The following GTF3C6 variants were observed in gnomAD, a reference collection of about 807,000 sequenced individuals.
GTF3C6 encodes the protein general transcription factor IIIC subunit 6, also known as general transcription factor 3C polypeptide 6.
In GTF3C6, 11 loss-of-function variants were observed where a neutral mutation model predicts 19.2. The ratio of observed to expected loss-of-function variants is 0.57; its 90% CI spans 0.36 to 0.95. GTF3C6 has a LOEUF of 0.95. GTF3C6 is among the 40% of genes least tolerant of loss of function. The pLI, the probability that GTF3C6 is intolerant of heterozygous loss-of-function variation, is 0.01. For synonymous variants in GTF3C6, 87 were observed against 84.2 expected, an observed-to-expected ratio of 1.03 and a Z score of -0.18; for missense variants, 222 against 254.7, an observed-to-expected ratio of 0.87 and a Z score of 0.87.
In GTF3C6 at chr6:110,960,386, T is replaced by C; in HGVS notation, c.139-28T>C. ...TGAAGCCTTTTTCTAATTATGTTTT[T>C]TTTTTATGATCCTTTATTCTGTTGT... On this transcript the variant is annotated intron_variant, in intron 2 of 5. Coordinates refer to ENST00000329970, the MANE Select transcript of GTF3C6 (RefSeq NM_138408.4). 6 of 1,571,818 alleles carry C rather than the reference T, an allele frequency of 3.8e-6. No individual in the cohort carries two copies. In the South Asian group the frequency reaches 7.1e-5, roughly 19 times the overall value.
intron 5 of GTF3C6, among the ~76,000 whole-genome samples, chr6:110,965,909 C>A (rs535343220): frequency 3.3e-5 from 5 of 152,296 alleles, no homozygotes; most frequent in Non-Finnish European, 5.9e-5. Flanking sequence ...GTAGGTGGTT[C>A]TGGCTCCAGG....
In GTF3C6 at chr6:110,959,167, A is replaced by C; in HGVS notation, c.58-5A>C. The C allele has an allele frequency of 6.2e-7, 1 of 1,605,326 alleles. No individual in the cohort carries two copies. Among genetic ancestry groups the C allele is most frequent in the Non-Finnish European group, 8.5e-7 (1 of 1,172,306 alleles). ...TAGCATGTTAACCCCTCTTTCTTTC[A>C]CCAGGAGCAGTTGGTTCTGGTGGAA... On this transcript the variant is annotated splice_polypyrimidine_tract_variant and splice_region_variant and intron_variant, in intron 1 of 5. Coordinates refer to ENST00000329970, the MANE Select transcript of GTF3C6 (RefSeq NM_138408.4).
chr6:110,964,459 G>A (rs1364463134), intron 5 of GTF3C6, among the ~76,000 whole-genome samples: 3 of 151,706 alleles, frequency 2.0e-5, no homozygotes, highest in Non-Finnish European at 4.4e-5. Context: ...TGGTCAGGCT[G>A]GTCTGGAACT....
intron 4 of GTF3C6, 113 bp downstream of exon 4, chr6:110,960,729 C>A: frequency 1.1e-6 from 1 of 900,368 alleles, no homozygotes; most frequent in South Asian, 1.5e-5. Context: ...ATCATTTTCC[C>A]AAACGTGACT....
At chr6:110,964,901 C>T (rs9400433) in intron 5 of GTF3C6, among the ~76,000 whole-genome samples, 36,677 of 149,292 alleles carry the variant, frequency 0.25, 5,220 homozygotes, top group East Asian at 0.65. Flanking sequence ...AGTGCGATCT[C>T]GGCTCACTGC....
intron 5 of GTF3C6, among the ~76,000 whole-genome samples, chr6:110,965,585 G>T (rs1771219957): frequency 6.6e-6 from 1 of 152,080 alleles, no homozygotes; most frequent in Non-Finnish European, 1.5e-5. Context: ...TAGGCACCTT[G>T]TAATAATTAT....
intron 5 of GTF3C6, among the ~76,000 whole-genome samples, chr6:110,966,348 G>A (rs1771229293): frequency 6.6e-6 from 1 of 152,052 alleles, no homozygotes. Flanking sequence ...ATGGTGGCAT[G>A]CACCTGTAAT....
chr6:110,963,381 T>C (rs1771188719), intron 5 of GTF3C6, among the ~76,000 whole-genome samples: 1 of 152,150 alleles, frequency 6.6e-6, no homozygotes. Context: ...AAACTTGGTA[T>C]CTAAGCCCTA....
chr6:110,962,106 G>C (rs1423859892), intron 4 of GTF3C6, among the ~76,000 whole-genome samples: 1 of 152,060 alleles, frequency 6.6e-6, no homozygotes, highest in Non-Finnish European at 1.5e-5. Context: ...ATTTCATCAT[G>C]TTGGCCAGGC....
chr6:110,959,141 CTAGCATGTT>C, intron 1 of GTF3C6, 22 bp from the exon 2 acceptor site: 1 of 1,500,494 alleles, frequency 6.7e-7, no homozygotes, highest in Non-Finnish European at 9.3e-7. Flanking sequence ...CGCTCGCGTG[CTAGCATGTT>C]AACCCCTCTT....
chr6:110,964,989 C>T (rs890017298), intron 5 of GTF3C6, among the ~76,000 whole-genome samples: 2 of 151,730 alleles, frequency 1.3e-5, no homozygotes, highest in South Asian at 2.1e-4. Context: ...CGCACCAGCA[C>T]GCCCAGCTAA....
chr6:110,958,986 C>G, intron 1 of GTF3C6, 160 bp downstream of exon 1: 1 of 901,938 alleles, frequency 1.1e-6, no homozygotes. Context: ...AGCTTGGGAC[C>G]TTAGCCCTAA....
intron 5 of GTF3C6, among the ~76,000 whole-genome samples, chr6:110,963,891 A>G (rs1422099523): frequency 2.0e-5 from 3 of 151,878 alleles, no homozygotes; most frequent in Non-Finnish European, 2.9e-5. Flanking sequence ...TATTAGAGAC[A>G]GGGCTTCGCC....
At chr6:110,967,127 C>G (rs377419741) in intron 5 of GTF3C6, among the ~76,000 whole-genome samples, 1 of 151,980 alleles carries the variant, frequency 6.6e-6, no homozygotes, top group African/African-American at 2.4e-5. Flanking sequence ...GCACTCCAGC[C>G]TGGGTGACAG....
chr6:110,958,875 G>T, intron 1 of GTF3C6, 49 bp downstream of exon 1: 2 of 1,531,074 alleles, frequency 1.3e-6, no homozygotes, highest in Non-Finnish European at 1.8e-6. Flanking sequence ...GGTGATGCCT[G>T]TGCTGGCTGT....
At position 110,959,272 on chromosome 6, in the gene GTF3C6, G is replaced by C; in HGVS notation, c.138+20G>C. 2 of 1,459,360 alleles carry C rather than the reference G, an allele frequency of 1.4e-6. No homozygotes were observed. Among genetic ancestry groups the C allele is most frequent in the Non-Finnish European group, 1.9e-6 (2 of 1,039,734 alleles). The allele number at this position is 1,459,360 out of a possible 1,614,324, so 90.4% of individuals were successfully genotyped here. On this transcript the variant is annotated intron_variant, in intron 2 of 5. Transcript: ENST00000329970. ...GTTTTGGTGAGTTTTCTAGACTTGG[G>C]GGGATTGTTCTAGAGTGTCTTAAAT...
chr6:110,958,885 T>C (rs1771120966), intron 1 of GTF3C6, 59 bp downstream of exon 1: 2 of 1,520,218 alleles, frequency 1.3e-6, no homozygotes, highest in Non-Finnish European at 1.8e-6. Context: ...GTGCTGGCTG[T>C]GTGTGGGGAA....
intron 5 of GTF3C6, among the ~76,000 whole-genome samples, chr6:110,962,883 A>T (rs1252312648): frequency 6.6e-6 from 1 of 152,016 alleles, no homozygotes; most frequent in Admixed American, 6.6e-5. Flanking sequence ...GGTTCAAGCG[A>T]TTCTGCTGCC....
At chr6:110,967,409 T>C in intron 5 of GTF3C6, 101 bp from the exon 6 acceptor site, 1 of 1,030,840 alleles carries the variant, frequency 9.7e-7, no homozygotes, top group Non-Finnish European at 1.4e-6. Context: ...GGCTTTCAGT[T>C]TGACATGTAT....
Sources: allele counts gnomAD v4.1 joint callset (sites outside exome capture counted in the v4.1 genomes callset), GRCh38; gene constraint gnomAD v4.1.1; transcripts MANE v1.5; gene names NCBI Gene and HGNC (gene_info 2026-07-23, HGNC 2026-07-21).